Variants in CASP6 observed in about 807,000 individuals in gnomAD.
CASP6 encodes caspase 6, also known as caspase-6.
CASP6 carries 20 observed loss-of-function variants against 31.8 expected under a neutral mutation model. That is an observed-to-expected ratio of 0.63 (90% CI 0.44 to 0.91). The LOEUF (loss-of-function observed/expected upper bound fraction) is 0.91. CASP6 is among the 40% of genes least tolerant of loss of function. The pLI is 0.00. For synonymous variants in CASP6, 130 were observed against 127.8 expected (o/e 1.02, Z -0.12); for missense variants, 328 against 361.1 (o/e 0.91, Z 0.74).
chr4:109,676,386 A>G, the CASP6 span, among the ~76,000 whole-genome samples: 4 of 152,226 alleles, frequency 2.6e-5, no homozygotes, highest in African/African-American at 7.2e-5. Context: ...TAAAAATCCA[A>G]AAATATGTAT....
chr4:109,696,824 C>T (rs895659771), intron 3 of CASP6, among the ~76,000 whole-genome samples: 2 of 137,540 alleles, frequency 1.5e-5, no homozygotes, highest in African/African-American at 2.8e-5. Flanking sequence ...CTCACTCTGT[C>T]GCCCAGGCTG....
intron 4 of CASP6, 101 bp from the exon 5 acceptor site, chr4:109,694,801 A>C: frequency 1.8e-6 from 2 of 1,132,638 alleles, no homozygotes; most frequent in Non-Finnish European, 2.4e-6. Flanking sequence ...TTACATCCAC[A>C]TGATTGGGGA....
upstream of CASP6, among the ~76,000 whole-genome samples, chr4:109,703,996 T>C (rs1300609535): frequency 1.3e-5 from 2 of 152,206 alleles, no homozygotes; most frequent in Non-Finnish European, 2.9e-5. Flanking sequence ...TTTAATATTA[T>C]TGCAATTGTT....
At chr4:109,685,436 T>C (rs1156618649), downstream of CASP6, 7 of 673,560 alleles carry the variant, frequency 1.0e-5, no homozygotes, top group Non-Finnish European at 1.9e-5. Context: ...GAAGTATAAC[T>C]GGTGGCTCAT....
At chr4:109,708,862 A>G in the CASP6 span, among the ~76,000 whole-genome samples, 1 of 152,196 alleles carries the variant, frequency 6.6e-6, no homozygotes, top group South Asian at 2.1e-4. Flanking sequence ...CAGAATTACA[A>G]ATGTATAATT....
chr4:109,676,355 A>C, the CASP6 span, among the ~76,000 whole-genome samples: 1 of 152,210 alleles, frequency 6.6e-6, no homozygotes, highest in East Asian at 1.9e-4. Flanking sequence ...TGTGGCCAAC[A>C]TAGTGAAACC....
chr4:109,696,942 C>T (rs1245919024), intron 3 of CASP6, among the ~76,000 whole-genome samples: 6 of 151,958 alleles, frequency 3.9e-5, no homozygotes, highest in South Asian at 2.1e-4. Flanking sequence ...CCCACCACCA[C>T]GCCCGGCTAA....
At chr4:109,685,392 C>A, downstream of CASP6, 3 of 1,026,584 alleles carry the variant, frequency 2.9e-6, no homozygotes, top group Non-Finnish European at 3.1e-6. Flanking sequence ...CATCTTATAG[C>A]TGGTTTGTTT....
upstream of CASP6, among the ~76,000 whole-genome samples, chr4:109,705,995 AAAAAAAATATAT>A (rs1467045146): frequency 3.3e-4 from 19 of 57,516 alleles, no homozygotes; most frequent in African/African-American, 1.6e-3. Context: ...AAAAAAAAAA[AAAAAAAATATAT>A]ATATATATAT....
chr4:109,689,444 A>G lies in CASP6; in HGVS notation c.768T>C (p.Val256=). ...TELLTLVNRK[V]SQRRVDFCKD... ...TGCAAAAGTCCACTCGGCGCTGAGAAACTTTCCTGTTCACCAGTGTGAGGA... is the reference window on the plus strand; with the variant it reads ...TGCAAAAGTCCACTCGGCGCTGAGAGACTTTCCTGTTCACCAGTGTGAGGA... Residue 256 remains valine (V), a synonymous_variant, in exon 7 of 7, where the codon GTT becomes GTC. Coordinates refer to ENST00000265164, the MANE Select transcript of CASP6 (RefSeq NM_001226.4). 6.2e-7 allele frequency: 1 copy of G among 1,614,200 alleles called. No homozygotes were observed. Among genetic ancestry groups the G allele is most frequent in the Non-Finnish European group, 8.5e-7 (1 of 1,180,044 alleles).
the CASP6 span, among the ~76,000 whole-genome samples, chr4:109,670,605 A>G: frequency 6.6e-6 from 1 of 151,872 alleles, no homozygotes; most frequent in Non-Finnish European, 1.5e-5. Context: ...AATCACAGGT[A>G]CTCGGGAGGC....
At chr4:109,696,264 C>G in intron 4 of CASP6, 146 bp downstream of exon 4, 1 of 534,108 alleles carries the variant, frequency 1.9e-6, no homozygotes, top group Non-Finnish European at 3.3e-6. Flanking sequence ...AACGGAAACA[C>G]AGCAGCATAC....
At chr4:109,701,313 T>C (rs1730415301) in intron 1 of CASP6, among the ~76,000 whole-genome samples, 2 of 152,180 alleles carry the variant, frequency 1.3e-5, no homozygotes, top group East Asian at 1.9e-4. Flanking sequence ...TTTATTGATA[T>C]GGAGAAAATA....
chr4:109,672,910 A>G, the CASP6 span, among the ~76,000 whole-genome samples: 1 of 152,284 alleles, frequency 6.6e-6, no homozygotes, highest in South Asian at 2.1e-4. Context: ...ATCATGTCCC[A>G]TCACTTTTAT....
intron 5 of CASP6, among the ~76,000 whole-genome samples, chr4:109,693,248 T>C (rs938031117): frequency 1.3e-5 from 2 of 152,220 alleles, no homozygotes; most frequent in South Asian, 2.1e-4. Context: ...TGTAGGCCAA[T>C]CAAATCTCTC....
chr4:109,685,362 G>C (rs758512386), downstream of CASP6: 5 of 1,397,550 alleles, frequency 3.6e-6, no homozygotes, highest in African/African-American at 2.8e-5. Flanking sequence ...AGAAGACCTT[G>C]CTAAGGTATA....
upstream of CASP6, chr4:109,703,657 G>A (rs1730508729): frequency 1.8e-6 from 1 of 544,558 alleles, no homozygotes; most frequent in Admixed American, 3.3e-5. Flanking sequence ...TTCGCCTCCA[G>A]GCCCGCTGGG....
rs922247025 is a variant in CASP6, at chr4:109,690,865, A to G, written c.628T>C (p.Tyr210His). The change falls in exon 6 of 7, where the codon TAC (tyrosine) becomes CAC (histidine). Residue 210 changes from tyrosine to histidine, a missense_variant. Tyr to His is a moderately conservative substitution (Grantham distance 83, BLOSUM62 2). Transcript: ENST00000265164. ...LPAGADFLMC[Y>H]SVAEGYYSHR... ...CACCACACACCTTCTGCAACAGAGTAACACATGAGGAAGTCAGCTCCAGCA... is the reference window on the plus strand; with the variant it reads ...CACCACACACCTTCTGCAACAGAGTGACACATGAGGAAGTCAGCTCCAGCA... The G allele has an allele frequency of 1.9e-6, 3 of 1,610,646 alleles. No individual in the cohort carries two copies. The African/African-American group carries it at 4.0e-5, about 22-fold the overall frequency.
the CASP6 span, among the ~76,000 whole-genome samples, chr4:109,676,193 T>C: frequency 1.3e-5 from 2 of 152,148 alleles, no homozygotes; most frequent in African/African-American, 4.8e-5. Context: ...GTAGGAAGTC[T>C]AAAAGTTTTT....
Sources: gnomAD v4.1 joint callset for allele counts (sites outside exome capture counted in the v4.1 genomes callset) on GRCh38, gnomAD v4.1.1 for gene constraint, MANE v1.5 for transcripts, NCBI Gene and HGNC (gene_info 2026-07-23, HGNC 2026-07-21) for gene names.